Variants in PCDHA1 observed in about 807,000 individuals in gnomAD.
The protein encoded by PCDHA1 is protocadherin alpha 1.
Under a neutral mutation model 61.3 loss-of-function variants are expected in PCDHA1, and 42 were observed. The ratio of observed to expected loss-of-function variants is 0.69; its 90% CI spans 0.54 to 0.89. PCDHA1 has a LOEUF of 0.89. Ranked by LOEUF, PCDHA1 falls within the 40% of genes least tolerant of loss-of-function variation. PCDHA1 has a pLI of 0.00. For synonymous variants in PCDHA1, 610 were observed against 553.8 expected (o/e 1.10, Z -1.43); for missense variants, 1,256 against 1,235.3 (o/e 1.02, Z -0.25).
At chr5:140,870,424 T>C (rs782689834) in intron 1 of PCDHA1, 6 of 1,614,156 alleles carry the variant, frequency 3.7e-6, no homozygotes, top group Non-Finnish European at 5.1e-6. Flanking sequence ...GGCCAGGGTA[T>C]CCGTGGAGGT....
At chr5:140,984,013 A>G (rs1258063909) in intron 3 of PCDHA1, among the ~76,000 whole-genome samples, 1 of 152,234 alleles carries the variant, frequency 6.6e-6, no homozygotes, top group Non-Finnish European at 1.5e-5. Context: ...TAATATTGCC[A>G]GATTGCAAGG....
chr5:140,959,055 C>A (rs2095463398), intron 1 of PCDHA1, among the ~76,000 whole-genome samples: 1 of 151,914 alleles, frequency 6.6e-6, no homozygotes, highest in African/African-American at 2.4e-5. Flanking sequence ...GGAAAAAATG[C>A]AGTATATATA....
At chr5:140,879,136 T>C (rs1225791251) in intron 1 of PCDHA1, among the ~76,000 whole-genome samples, 4 of 152,206 alleles carry the variant, frequency 2.6e-5, no homozygotes, top group Admixed American at 2.6e-4. Flanking sequence ...GGGGAGATTG[T>C]GAAGGCAGGA....
At chr5:140,971,689 T>C (rs149234216) in intron 1 of PCDHA1, among the ~76,000 whole-genome samples, 1 of 152,306 alleles carries the variant, frequency 6.6e-6, no homozygotes, top group East Asian at 1.9e-4. Context: ...GAATTTGTAC[T>C]CACTAACCAC....
At chr5:140,960,131 C>T (rs781965980) in intron 1 of PCDHA1, among the ~76,000 whole-genome samples, 11 of 152,114 alleles carry the variant, frequency 7.2e-5, no homozygotes, top group African/African-American at 9.7e-5. Context: ...TTATGAAATA[C>T]TTAGATATTA....
At chr5:140,902,199 CTT>C (rs1290062929) in intron 1 of PCDHA1, among the ~76,000 whole-genome samples, 2 of 139,232 alleles carry the variant, frequency 1.4e-5, no homozygotes, top group Admixed American at 7.2e-5. Flanking sequence ...CTCTCTCTCT[CTT>C]TCTTTTTTTT....
chr5:140,807,213 A>C, intron 1 of PCDHA1: 2 of 1,613,976 alleles, frequency 1.2e-6, no homozygotes, highest in Non-Finnish European at 1.7e-6. Flanking sequence ...GGAAGCGGCC[A>C]GGAATCCCGG....
rs1417392698 is a variant in PCDHA1 at position 140,999,864 on chromosome 5, T to G, written c.2543-9763T>G. Among the ~76,000 whole-genome samples, 46 of 152,148 alleles carry G rather than the reference T, an allele frequency of 3.0e-4. 1 individual carries two copies. ...TGTATTTATCTCTTCCGCTCCAAGATTACTGAAAATTAGCCCAGCTGTAGC... is the reference window on the plus strand; with the variant it reads ...TGTATTTATCTCTTCCGCTCCAAGAGTACTGAAAATTAGCCCAGCTGTAGC... On this transcript the variant is annotated intron_variant, in intron 3 of 3. Coordinates refer to ENST00000504120, the MANE Select transcript of PCDHA1 (RefSeq NM_018900.4).
chr5:140,809,118 G>A, intron 1 of PCDHA1: 19 of 1,613,968 alleles, frequency 1.2e-5, no homozygotes, highest in Non-Finnish European at 1.4e-5. Context: ...GACGCTCCGC[G>A]CCACCGCCTA....
chr5:140,889,108 T>C (rs553126619), intron 1 of PCDHA1, among the ~76,000 whole-genome samples: 3 of 151,936 alleles, frequency 2.0e-5, no homozygotes, highest in Admixed American at 1.3e-4. Context: ...TCATCTTTAT[T>C]CCAGGTGATA....
chr5:140,888,789 G>A (rs536846098), intron 1 of PCDHA1, among the ~76,000 whole-genome samples: 1 of 152,066 alleles, frequency 6.6e-6, no homozygotes, highest in Admixed American at 6.5e-5. Flanking sequence ...AGCCTGATCT[G>A]GGGAGGTTGA....
intron 1 of PCDHA1, chr5:140,928,543 A>G: frequency 6.2e-7 from 1 of 1,614,204 alleles, no homozygotes; most frequent in Non-Finnish European, 8.5e-7. Context: ...TAGGAATGAC[A>G]ATTATCCGGT....
intron 1 of PCDHA1, among the ~76,000 whole-genome samples, chr5:140,931,879 T>A (rs1335268218): frequency 3.3e-5 from 5 of 151,966 alleles, no homozygotes; most frequent in Non-Finnish European, 7.4e-5. Flanking sequence ...TATTTATTGC[T>A]TTCATTTTAT....
intron 1 of PCDHA1, chr5:140,869,211 G>A (rs375218342): frequency 1.2e-6 from 2 of 1,613,956 alleles, no homozygotes; most frequent in Admixed American, 1.7e-5. Flanking sequence ...ACTCCGTCTC[G>A]GAGGAGGCCA....
chr5:140,929,532 G>T, intron 1 of PCDHA1: 1 of 602,214 alleles, frequency 1.7e-6, no homozygotes, highest in Non-Finnish European at 2.5e-6. Flanking sequence ...TTATTTTTGA[G>T]AAACAAGGGC....
At chr5:141,003,762 G>A (rs1295345972) in intron 3 of PCDHA1, among the ~76,000 whole-genome samples, 1 of 152,146 alleles carries the variant, frequency 6.6e-6, no homozygotes, top group East Asian at 1.9e-4. Flanking sequence ...AATTATGGTC[G>A]TATTCTGTTA....
intron 1 of PCDHA1, among the ~76,000 whole-genome samples, chr5:140,936,458 G>A (rs963270336): frequency 2.6e-5 from 4 of 152,046 alleles, no homozygotes; most frequent in Non-Finnish European, 4.4e-5. Flanking sequence ...TCTGTTTAGT[G>A]GTTGCTGTAG....
intron 1 of PCDHA1, chr5:140,928,199 C>T: frequency 6.2e-7 from 1 of 1,614,226 alleles, no homozygotes; most frequent in South Asian, 1.1e-5. Context: ...GTGTCAGTTG[C>T]TGATGTGAAT....
intron 1 of PCDHA1, chr5:140,843,101 G>T (rs1778561024): frequency 1.3e-6 from 2 of 1,595,770 alleles, no homozygotes; most frequent in Non-Finnish European, 1.7e-6. Flanking sequence ...GGTAGCGAAG[G>T]TGCGCGCAGT....
Sources: gnomAD v4.1 joint callset for allele counts (sites outside exome capture counted in the v4.1 genomes callset) on GRCh38, gnomAD v4.1.1 for gene constraint, MANE v1.5 for transcripts, NCBI Gene and HGNC (gene_info 2026-07-23, HGNC 2026-07-21) for gene names.